Variants in EYA2 observed in about 807,000 individuals in gnomAD.
The protein encoded by EYA2 is EYA transcriptional coactivator and phosphatase 2.
EYA2 carries 31 observed loss-of-function variants against 69.2 expected under a neutral mutation model. The ratio of observed to expected loss-of-function variants is 0.45; its 90% confidence interval spans 0.34 to 0.60. The LOEUF is 0.60. Ranked by LOEUF, EYA2 falls within the 20% of genes least tolerant of loss-of-function variation. EYA2 has a pLI of 0.02. For synonymous variants in EYA2, 257 were observed against 279.4 expected (o/e 0.92, Z 0.80); for missense variants, 622 against 701.2 (o/e 0.89, Z 1.28).
intron 9 of EYA2, among the ~76,000 whole-genome samples, chr20:47,134,136 A>G (rs2033404432): frequency 6.6e-6 from 1 of 152,234 alleles, no homozygotes; most frequent in Admixed American, 6.5e-5. Context: ...AAATGAAATC[A>G]GCTAAATGGC....
intron 9 of EYA2, among the ~76,000 whole-genome samples, chr20:47,109,618 A>G (rs1328065206): frequency 6.6e-6 from 1 of 152,162 alleles, no homozygotes; most frequent in Non-Finnish European, 1.5e-5. Flanking sequence ...CCAGGGCTCT[A>G]GTAATCCTCC....
chr20:46,971,392 CTAT>C (rs1980137548), intron 1 of EYA2, among the ~76,000 whole-genome samples: 1 of 152,208 alleles, frequency 6.6e-6, no homozygotes, highest in Non-Finnish European at 1.5e-5. Flanking sequence ...ACATGACGTT[CTAT>C]CCAATAGGAA....
chr20:47,166,806 G>A (rs2034207102), intron 10 of EYA2, among the ~76,000 whole-genome samples: 1 of 152,068 alleles, frequency 6.6e-6, no homozygotes, highest in South Asian at 2.1e-4. Flanking sequence ...TCAGGCCTCT[G>A]GGGTTCATGA....
chr20:47,031,627 G>A (rs954943272), intron 5 of EYA2, among the ~76,000 whole-genome samples: 3 of 152,208 alleles, frequency 2.0e-5, no homozygotes, highest in African/African-American at 4.8e-5. Flanking sequence ...ACTCCCAGAG[G>A]AATGAAGGCC....
chr20:46,924,669 C>CAAAAAA lies in EYA2; in HGVS notation c.-11+29701_-11+29706dup, dbSNP rs10568771. Among the ~76,000 whole-genome samples, 495 of 88,274 alleles carry CAAAAAA rather than the reference C, an allele frequency of 5.6e-3. 15 individuals are homozygous for CAAAAAA. Among genetic ancestry groups the CAAAAAA allele is most frequent in the Middle Eastern group, 0.013 (2 of 150 alleles). The allele number at this position is 88,274 out of a possible 152,430, so 57.9% of individuals were successfully genotyped here. On this transcript the variant is annotated intron_variant, in intron 1 of 15. Transcript: ENST00000327619. ...TGGCCAATAGAGCGAGACTCCATCT[C>CAAAAAA]AAAAAAAAAAAAAAAAAAAAAAAAG... is the stretch of plus-strand genomic sequence containing the variant.
intron 1 of EYA2, among the ~76,000 whole-genome samples, chr20:46,979,989 C>T (rs1048292489): frequency 1.3e-5 from 2 of 152,306 alleles, no homozygotes; most frequent in East Asian, 1.9e-4. Flanking sequence ...AACGACATAG[C>T]TGGGATTTGA....
intron 8 of EYA2, among the ~76,000 whole-genome samples, chr20:47,095,253 G>A (rs2032214307): frequency 6.6e-6 from 1 of 151,900 alleles, no homozygotes; most frequent in Admixed American, 6.6e-5. Flanking sequence ...AATTTAATAA[G>A]GGTTATAAGA....
chr20:46,978,453 T>C, intron 1 of EYA2: 1 of 401,326 alleles, frequency 2.5e-6, no homozygotes, highest in Non-Finnish European at 5.2e-6. Context: ...GGGACTGGAG[T>C]TCCAGGCAGA....
intron 8 of EYA2, among the ~76,000 whole-genome samples, chr20:47,093,020 AAGTAG>A (rs748693546): frequency 6.6e-6 from 1 of 152,228 alleles, no homozygotes; most frequent in African/African-American, 2.4e-5. Context: ...TTAAGGACAG[AAGTAG>A]AGTAGAGTAT....
chr20:46,899,417 G>A lies in EYA2; in HGVS notation c.-11+4430G>A, dbSNP rs571727772. On this transcript the variant is annotated intron_variant, in intron 1 of 15. Transcript: ENST00000327619. ...GTGAGCCATGACCCTTAACCGGTTG[G>A]GTATGGTTCTGTAAAGGAAAATGAC... Among the ~76,000 whole-genome samples the A allele has an allele frequency of 9.9e-5, 15 of 152,256 alleles. 1 individual carries two copies. The South Asian group carries it at 2.9e-3, about 29-fold the overall frequency.
At chr20:47,023,041 A>G (rs374576758) in intron 5 of EYA2, among the ~76,000 whole-genome samples, 18 of 151,950 alleles carry the variant, frequency 1.2e-4, no homozygotes, top group African/African-American at 4.3e-4. Flanking sequence ...TTCCTTTTGT[A>G]ATAAAAAAAA....
rs182027835 is a variant in EYA2, at chr20:46,954,914, C to A, written c.-10-35087C>A. 2.7e-4 allele frequency among the ~76,000 whole-genome samples: 41 copies of A among 152,212 alleles called. 1 individual carries two copies. The South Asian group carries it at 5.6e-3, about 21-fold the overall frequency. On this transcript the variant is annotated intron_variant, in intron 1 of 15. Coordinates refer to ENST00000327619, the MANE Select transcript of EYA2 (RefSeq NM_005244.5). Reference sequence around the variant, plus strand: ...TTTACTCGAGGTTTTTCATGTGTGTCATTTGCCTTGATTTTGGGAGTAGGG... The same window carrying A: ...TTTACTCGAGGTTTTTCATGTGTGTAATTTGCCTTGATTTTGGGAGTAGGG...
chr20:47,186,855 C>T (rs146866043), intron 15 of EYA2, among the ~76,000 whole-genome samples: 15 of 152,248 alleles, frequency 9.9e-5, no homozygotes, highest in Admixed American at 2.6e-4. Flanking sequence ...TACTGAGAAA[C>T]GCCAGCATTC....
chr20:46,994,436 A>T (rs892928555), intron 2 of EYA2, among the ~76,000 whole-genome samples: 8 of 152,152 alleles, frequency 5.3e-5, no homozygotes, highest in African/African-American at 1.9e-4. Flanking sequence ...TCAGAAACTG[A>T]TGCTCTAATC....
At chr20:47,074,850 A>G (rs1395042417) in intron 7 of EYA2, among the ~76,000 whole-genome samples, 1 of 152,146 alleles carries the variant, frequency 6.6e-6, no homozygotes, top group African/African-American at 2.4e-5. Context: ...GGTGGCTCAC[A>G]CCTGTAATCC....
intron 7 of EYA2, among the ~76,000 whole-genome samples, chr20:47,086,409 A>G (rs1467243894): frequency 6.6e-6 from 1 of 152,238 alleles, no homozygotes; most frequent in East Asian, 1.9e-4. Flanking sequence ...ATCATTCCTC[A>G]GGCTGTACAG....
chr20:46,947,675 G>C (rs2026508), intron 1 of EYA2, among the ~76,000 whole-genome samples: 47,841 of 152,094 alleles, frequency 0.31, 9,379 homozygotes, highest in Non-Finnish European at 0.44. Context: ...ATCTCCAAGT[G>C]TCTGACAAGA....
At position 46,920,133 on chromosome 20, in the gene EYA2, CTT is replaced by C. The variant is rs201662763; in HGVS notation, c.-11+25148_-11+25149del. ...AACAGATATAATAGCAATGAAAAAACTTTGAAATATTGAGAGAATTACCAAAC... is the reference window on the plus strand; with the variant it reads ...AACAGATATAATAGCAATGAAAAAACTGAAATATTGAGAGAATTACCAAAC... On this transcript the variant is annotated intron_variant, in intron 1 of 15. Coordinates refer to ENST00000327619, the MANE Select transcript of EYA2 (RefSeq NM_005244.5). 3.3e-5 allele frequency among the ~76,000 whole-genome samples: 5 copies of C among 152,074 alleles called. No individual in the cohort carries two copies. The East Asian group carries it at 7.7e-4, about 24-fold the overall frequency.
chr20:47,179,938 T>C (rs1208497785), intron 13 of EYA2, 26 bp downstream of exon 13: 1 of 1,565,698 alleles, frequency 6.4e-7, no homozygotes, highest in Non-Finnish European at 8.8e-7. Context: ...CATTTTCCTC[T>C]GTGCCACTGA....
Sources: allele counts gnomAD v4.1 joint callset (sites outside exome capture counted in the v4.1 genomes callset), GRCh38; gene constraint gnomAD v4.1.1; transcripts MANE v1.5; gene names NCBI Gene and HGNC (gene_info 2026-07-23, HGNC 2026-07-21).